The following ROBO1 variants were observed in gnomAD, a reference collection of about 807,000 sequenced individuals.
ROBO1 encodes the protein roundabout guidance receptor 1.
In ROBO1, 149 loss-of-function variants were observed where a neutral mutation model predicts 195.9. That is an observed-to-expected ratio of 0.76 (90% CI 0.67 to 0.87). The LOEUF is 0.87. Among genes scored for constraint, ROBO1 ranks in the 40% least tolerant of loss-of-function variants. The pLI, the probability that ROBO1 is intolerant of heterozygous loss-of-function variation, is 0.00. For missense variants in ROBO1, 1,933 were observed against 2,068.3 expected (o/e 0.93, Z 1.27); for synonymous variants, 816 against 733.2 (o/e 1.11, Z -1.82).
intron 2 of ROBO1, among the ~76,000 whole-genome samples, chr3:79,152,789 G>C (rs569621324): frequency 2.0e-5 from 3 of 151,618 alleles, no homozygotes; most frequent in Non-Finnish European, 4.4e-5. Flanking sequence ...CATTTGGAGG[G>C]GTAGTGTCAG....
chr3:79,034,439 G>T (rs1023708779), intron 3 of ROBO1, among the ~76,000 whole-genome samples: 1 of 152,114 alleles, frequency 6.6e-6, no homozygotes, highest in Non-Finnish European at 1.5e-5. Context: ...CTCTGGGAGT[G>T]AAGAACGAAG....
intron 5 of ROBO1, among the ~76,000 whole-genome samples, chr3:78,725,273 T>C (rs1426623989): frequency 6.6e-6 from 1 of 152,188 alleles, no homozygotes; most frequent in Non-Finnish European, 1.5e-5. Flanking sequence ...GTCTTGCTCC[T>C]TTTTGGGAAA....
intron 4 of ROBO1, among the ~76,000 whole-genome samples, chr3:78,860,875 T>C (rs2034789475): frequency 6.6e-6 from 1 of 152,178 alleles, no homozygotes; most frequent in Non-Finnish European, 1.5e-5. Flanking sequence ...TGGGAGTTTT[T>C]CTCAGGTATC....
At chr3:79,622,262 C>G (rs7426404) in intron 1 of ROBO1, among the ~76,000 whole-genome samples, 86,836 of 152,104 alleles carry the variant, frequency 0.57, 26,271 homozygotes, top group East Asian at 0.89. Flanking sequence ...AACCCTGGAA[C>G]GCACAAATTC....
intron 2 of ROBO1, among the ~76,000 whole-genome samples, chr3:79,481,819 G>A (rs182590914): frequency 6.6e-5 from 10 of 152,226 alleles, no homozygotes; most frequent in African/African-American, 2.4e-4. Context: ...TAAAAGGAAT[G>A]TGCTATATTG....
At chr3:79,431,366 T>C (rs1292579162) in intron 2 of ROBO1, among the ~76,000 whole-genome samples, 1 of 152,140 alleles carries the variant, frequency 6.6e-6, no homozygotes, top group Admixed American at 6.6e-5. Context: ...GTGATCTTCA[T>C]TCCCACCGTG....
chr3:78,985,362 C>T (rs887065282), intron 3 of ROBO1, among the ~76,000 whole-genome samples: 1 of 152,106 alleles, frequency 6.6e-6, no homozygotes, highest in African/African-American at 2.4e-5. Flanking sequence ...GCTTATAATA[C>T]ATATAACATA....
intron 1 of ROBO1, among the ~76,000 whole-genome samples, chr3:79,699,834 T>C (rs1026894429): frequency 6.6e-6 from 1 of 151,658 alleles, no homozygotes; most frequent in South Asian, 2.1e-4. Context: ...ATTTTTTAAA[T>C]ATAATTTTAG....
intron 2 of ROBO1, among the ~76,000 whole-genome samples, chr3:79,560,999 T>C (rs1239631685): frequency 6.6e-6 from 1 of 152,162 alleles, no homozygotes; most frequent in African/African-American, 2.4e-5. Context: ...ATTTGACTAA[T>C]AGCAGTTGTT....
chr3:78,646,037 A>C (rs1183971385), intron 21 of ROBO1, 111 bp downstream of exon 21: 10 of 946,026 alleles, frequency 1.1e-5, no homozygotes, highest in Non-Finnish European at 1.7e-5. Flanking sequence ...GGAACTAAAT[A>C]AATTCCACCT....
intron 2 of ROBO1, among the ~76,000 whole-genome samples, chr3:79,362,552 A>T (rs1490854174): frequency 1.3e-5 from 2 of 152,192 alleles, no homozygotes; most frequent in Admixed American, 1.3e-4. Context: ...CTTTCCTTGA[A>T]GGAAATGGAG....
chr3:79,458,553 G>T (rs746070001), intron 2 of ROBO1, among the ~76,000 whole-genome samples: 15 of 151,808 alleles, frequency 9.9e-5, no homozygotes, highest in Non-Finnish European at 1.9e-4. Context: ...CAAGAAAGAC[G>T]CCACTCTAGG....
intron 3 of ROBO1, among the ~76,000 whole-genome samples, chr3:79,089,939 C>CTTTTT (rs1177571028): frequency 0.047 from 553 of 11,884 alleles, 8 homozygotes; most frequent in Admixed American, 0.066. Flanking sequence ...GTTATTCTTT[C>CTTTTT]TTTTTTTTTT....
In ROBO1 at chr3:78,853,473, G is replaced by GTGTGTGTA. The variant is rs573420540; in HGVS notation, c.499+85127_499+85128insTACACACA. Among the ~76,000 whole-genome samples, 308 of 148,198 alleles carry GTGTGTGTA rather than the reference G, an allele frequency of 2.1e-3. 1 individual carries two copies. Among genetic ancestry groups the GTGTGTGTA allele is most frequent in the African/African-American group, 7.3e-3 (295 of 40,412 alleles). ...GTATGTATGTGTGGGGTGTGTGTGT[G>GTGTGTGTA]TGTATGTATGTATGTATTTATTTAT... On this transcript the variant is annotated intron_variant, in intron 4 of 30. Transcript: ENST00000464233.
chr3:79,734,354 C>G (rs895988948), intron 1 of ROBO1, among the ~76,000 whole-genome samples: 1 of 152,122 alleles, frequency 6.6e-6, no homozygotes, highest in Non-Finnish European at 1.5e-5. Flanking sequence ...AAAAACATCA[C>G]CCAATGCCTG....
At chr3:79,040,327 T>C (rs1188906257) in intron 3 of ROBO1, among the ~76,000 whole-genome samples, 1 of 152,200 alleles carries the variant, frequency 6.6e-6, no homozygotes, top group African/African-American at 2.4e-5. Flanking sequence ...TAAATCGTCA[T>C]TGACTTCTTA....
At chr3:79,494,438 G>A (rs1939622753) in intron 2 of ROBO1, among the ~76,000 whole-genome samples, 1 of 151,940 alleles carries the variant, frequency 6.6e-6, no homozygotes, top group African/African-American at 2.4e-5. Context: ...ACAAATAAAA[G>A]GGCTATCTGC....
chr3:79,523,476 T>C (rs1196719196), intron 2 of ROBO1, among the ~76,000 whole-genome samples: 8 of 147,646 alleles, frequency 5.4e-5, no homozygotes, highest in Admixed American at 4.0e-4. Flanking sequence ...TTTTTTCTTT[T>C]TTTTTTTTTT....
At chr3:78,924,555 G>GT (rs1409639170) in intron 4 of ROBO1, among the ~76,000 whole-genome samples, 3 of 151,802 alleles carry the variant, frequency 2.0e-5, no homozygotes, top group Non-Finnish European at 4.4e-5. Flanking sequence ...AAAAAGAGCT[G>GT]TAACTGCATC....
Sources: allele counts gnomAD v4.1 joint callset (sites outside exome capture counted in the v4.1 genomes callset), GRCh38; gene constraint gnomAD v4.1.1; transcripts MANE v1.5; gene names NCBI Gene and HGNC (gene_info 2026-07-23, HGNC 2026-07-21).